The following ADAM29 variants were observed in gnomAD, a reference collection of about 807,000 sequenced individuals.
ADAM29 encodes ADAM metallopeptidase domain 29, also known as disintegrin and metalloproteinase domain-containing protein 29.
For synonymous variants in ADAM29, 367 were observed against 342.3 expected (o/e 1.07, Z -0.80); for missense variants, 969 against 1,001.8 (o/e 0.97, Z 0.44).
chr4:174,925,230 T>A (rs1161973714), intron 2 of ADAM29, among the ~76,000 whole-genome samples: 1 of 152,158 alleles, frequency 6.6e-6, no homozygotes, highest in African/African-American at 2.4e-5. Flanking sequence ...ATTAAGGAAA[T>A]CTGACAAAAG....
At chr4:174,935,463 A>G (rs192613656) in intron 3 of ADAM29, among the ~76,000 whole-genome samples, 1 of 152,096 alleles carries the variant, frequency 6.6e-6, no homozygotes, top group Non-Finnish European at 1.5e-5. Flanking sequence ...AAAATGTTCT[A>G]TTTTAAAGTA....
In ADAM29 at chr4:174,978,118, C is replaced by T; in HGVS notation, c.*130C>T. The T allele has an allele frequency of 1.4e-6, 2 of 1,408,922 alleles. No individual in the cohort carries two copies. Among genetic ancestry groups the T allele is most frequent in the South Asian group, 1.4e-5 (1 of 73,784 alleles). 87.3% of individuals were successfully genotyped at this position (1,408,922 alleles called of 1,614,324 possible). On this transcript the variant is annotated 3_prime_UTR_variant, in exon 5 of 5. Transcript: ENST00000359240. ...CCGGAGTAAAAGTGGTAAACAAAAGCAATCAGTACCAATTCCAAAAACTGT... is the reference window on the plus strand; with the variant it reads ...CCGGAGTAAAAGTGGTAAACAAAAGTAATCAGTACCAATTCCAAAAACTGT...
chr4:174,956,799 C>T (rs1317631047), intron 4 of ADAM29, among the ~76,000 whole-genome samples: 3 of 151,782 alleles, frequency 2.0e-5, no homozygotes, highest in Admixed American at 2.0e-4. Flanking sequence ...AGATTACATA[C>T]TTATCACACT....
intron 2 of ADAM29, 53 bp downstream of exon 2, chr4:174,920,845 A>G (rs1194877812): frequency 6.6e-6 from 1 of 152,160 alleles, no homozygotes; most frequent in Non-Finnish European, 1.5e-5. Context: ...TCCATAATTT[A>G]GAATGGTTAG....
intron 3 of ADAM29, among the ~76,000 whole-genome samples, chr4:174,933,467 A>C (rs1353686603): frequency 6.6e-6 from 1 of 151,972 alleles, no homozygotes; most frequent in Non-Finnish European, 1.5e-5. Context: ...CATGCCTACC[A>C]AGCTCTATTT....
At chr4:174,939,664 A>G (rs1744416631) in intron 4 of ADAM29, among the ~76,000 whole-genome samples, 1 of 152,202 alleles carries the variant, frequency 6.6e-6, no homozygotes, top group African/African-American at 2.4e-5. Flanking sequence ...AATTGTTCAC[A>G]TTTCCTAAAA....
intron 4 of ADAM29, among the ~76,000 whole-genome samples, chr4:174,972,476 A>T (rs1391277966): frequency 6.6e-6 from 1 of 152,092 alleles, no homozygotes; most frequent in African/African-American, 2.4e-5. Context: ...TACCATTTCT[A>T]TTAATCTTTT....
At chr4:174,956,623 G>T (rs879870017) in intron 4 of ADAM29, among the ~76,000 whole-genome samples, 17 of 151,662 alleles carry the variant, frequency 1.1e-4, no homozygotes, top group Non-Finnish European at 1.9e-4. Flanking sequence ...TAATCATTGT[G>T]GTGGTAATAT....
intron 4 of ADAM29, among the ~76,000 whole-genome samples, chr4:174,969,996 G>A (rs1396729122): frequency 6.6e-6 from 1 of 151,932 alleles, no homozygotes; most frequent in Non-Finnish European, 1.5e-5. Flanking sequence ...GTATTAGAAG[G>A]CACCTGTCTC....
Position 174,941,740 on chromosome 4 carries a change from A to C in ADAM29, c.-181+4727A>C, listed in dbSNP as rs537418528. 3.9e-5 allele frequency among the ~76,000 whole-genome samples: 6 copies of C among 152,230 alleles called. No individual in the cohort carries two copies. The South Asian group carries it at 1.2e-3, about 32-fold the overall frequency. ...ATCACTCTACCCCTGGCCCCTCACA[A>C]ATCTCATGTCCTTCTTACATTTTAA... On this transcript the variant is annotated intron_variant, in intron 4 of 4. Transcript: ENST00000359240.
chr4:174,974,715 T>C, intron 4 of ADAM29, among the ~76,000 whole-genome samples: 1 of 152,228 alleles, frequency 6.6e-6, no homozygotes, highest in East Asian at 1.9e-4. Flanking sequence ...AGGCATTATA[T>C]GAGACACTAA....
chr4:174,926,738 A>G (rs1743541045), intron 2 of ADAM29, among the ~76,000 whole-genome samples: 1 of 151,220 alleles, frequency 6.6e-6, no homozygotes, highest in Admixed American at 6.6e-5. Flanking sequence ...AAAAAAAAAA[A>G]TGAAACATAA....
chr4:174,948,650 G>A (rs759240212), intron 4 of ADAM29, among the ~76,000 whole-genome samples: 17 of 152,184 alleles, frequency 1.1e-4, no homozygotes, highest in Admixed American at 3.3e-4. Flanking sequence ...GCTCACATGT[G>A]CCAGCAGCTG....
At chr4:174,953,142 C>T (rs6814573) in intron 4 of ADAM29, among the ~76,000 whole-genome samples, 63,543 of 151,472 alleles carry the variant, frequency 0.42, 13,854 homozygotes, top group African/African-American at 0.54. Context: ...AAAAATTAGC[C>T]GGGCGTGGTG....
intron 4 of ADAM29, among the ~76,000 whole-genome samples, chr4:174,939,422 G>A (rs991260771): frequency 2.0e-5 from 3 of 151,966 alleles, no homozygotes; most frequent in Admixed American, 6.6e-5. Context: ...CTGAAAATAG[G>A]ACAGAAAAAT....
At chr4:174,946,650 G>T (rs1478920145) in intron 4 of ADAM29, among the ~76,000 whole-genome samples, 1 of 151,994 alleles carries the variant, frequency 6.6e-6, no homozygotes, top group South Asian at 2.1e-4. Flanking sequence ...ATGGCTTTTA[G>T]TATTTTATTG....
Position 174,975,438 on chromosome 4 carries a change from C to A in ADAM29, c.-88C>A. 7.5e-7 allele frequency: 1 copy of A among 1,330,970 alleles called. No homozygotes were observed. The highest frequency in any genetic ancestry group is 1.0e-6 in the Non-Finnish European group (1 of 994,474). 82.4% of individuals were successfully genotyped at this position (1,330,970 alleles called of 1,614,324 possible). A position where few individuals can be genotyped will look rare whatever the true frequency, so the allele number is the denominator to read the frequency against. On this transcript the variant is annotated 5_prime_UTR_variant, in exon 5 of 5. Coordinates refer to ENST00000359240, the MANE Select transcript of ADAM29 (RefSeq NM_014269.4). ...CAACTCAGAAGAAGGAGCCACACCA[C>A]CTGTGACTCCAGCCCTGACTTCTGC...
At chr4:174,930,015 G>A (rs1743766675) in intron 2 of ADAM29, among the ~76,000 whole-genome samples, 1 of 152,112 alleles carries the variant, frequency 6.6e-6, no homozygotes, top group African/African-American at 2.4e-5. Flanking sequence ...TGCAACCTCT[G>A]CCTCCCGGGT....
chr4:174,927,737 G>A (rs1342573131), intron 2 of ADAM29, among the ~76,000 whole-genome samples: 2 of 152,002 alleles, frequency 1.3e-5, no homozygotes, highest in Admixed American at 6.6e-5. Flanking sequence ...CTGTTATGGC[G>A]AGGTCCCTCT....
Sources: gnomAD v4.1 joint callset for allele counts (sites outside exome capture counted in the v4.1 genomes callset) on GRCh38, gnomAD v4.1.1 for gene constraint, MANE v1.5 for transcripts, NCBI Gene and HGNC (gene_info 2026-07-23, HGNC 2026-07-21) for gene names.